CMYA5: variants seen among roughly 807,000 people sequenced by gnomAD.
The protein encoded by CMYA5 is cardiomyopathy-associated protein 5.
In CMYA5, 246 loss-of-function variants were observed where a neutral mutation model predicts 318.9. That is an observed-to-expected ratio of 0.77 (90% CI 0.70 to 0.86). CMYA5 has a LOEUF of 0.86. Among genes scored for constraint, CMYA5 ranks in the 40% least tolerant of loss-of-function variants. The probability of loss-of-function intolerance (pLI) is 0.00; values close to 1 mark genes in which losing one functional copy is unlikely to be tolerated. For synonymous variants in CMYA5, 1,641 were observed against 1,729.5 expected (o/e 0.95, Z 1.27); for missense variants, 4,589 against 4,678.2 (o/e 0.98, Z 0.56).
Position 79,737,655 on chromosome 5 carries a change from T to C in CMYA5, c.8890T>C (p.Ser2964Pro), listed in dbSNP as rs567225728. ...LNIHAPAFIS[S>P]IDQEESEQMQ... ...TATTCATGCTCCGGCCTTTATTTCT[T>C]CAATCGATCAGGAAGAAAGTGAACA... is the stretch of plus-strand genomic sequence containing the variant. The change falls in exon 2 of 13, where the codon TCA (serine) becomes CCA (proline). Residue 2964 changes from serine to proline, a missense_variant. Around this residue, in one of 3 missense-constraint regions of CMYA5, gnomAD observed 2,431 missense variants for 2,495.1 expected, o/e 0.97. Transcript: ENST00000446378. 8.9e-5 allele frequency: 143 copies of C among 1,613,566 alleles called. No individual in the cohort carries two copies. The South Asian group carries it at 1.4e-3, about 16-fold the overall frequency.
rs774622373 is a variant in CMYA5 at position 79,759,111 on chromosome 5, A to G, written c.11260+209A>G. Among the ~76,000 whole-genome samples, 2 of 152,364 alleles carry G rather than the reference A, an allele frequency of 1.3e-5. 1 individual carries two copies. On this transcript the variant is annotated intron_variant, in intron 7 of 12. Coordinates refer to ENST00000446378, the MANE Select transcript of CMYA5 (RefSeq NM_153610.5). ...AGATCAGGGAAAACAAAATGGCATA[A>G]ATATTATAATAGTCAACACAAATAT...
chr5:79,728,569 T>C (rs1012277995), intron 1 of CMYA5, among the ~76,000 whole-genome samples: 5 of 151,960 alleles, frequency 3.3e-5, no homozygotes, highest in Admixed American at 6.6e-5. Flanking sequence ...ACAAGAGTTA[T>C]TATGAAGATG....
rs766542204 is a variant in CMYA5, at chr5:79,734,119, A to G, written c.5354A>G (p.Asp1785Gly). Residue 1785 changes from aspartate (D) to glycine (G), a missense_variant, in exon 2 of 13, where the codon GAT (aspartate) becomes GGT (glycine). Asp to Gly is a moderately conservative substitution (Grantham distance 94, BLOSUM62 -1). This residue lies in a region of CMYA5 where 2,132 missense variants were observed against 2,131.3 expected (regional missense o/e 1.00). Coordinates refer to ENST00000446378, the MANE Select transcript of CMYA5 (RefSeq NM_153610.5). ...TGNLKAQVMGDILDKLSEETG... is the reference protein window; with the variant it reads ...TGNLKAQVMGGILDKLSEETG... ...AATTTGAAGGCACAAGTCATGGGAG[A>G]TATTTTAGATAAGCTAAGTGAAGAA... 1.1e-5 allele frequency: 17 copies of G among 1,613,686 alleles called. No homozygotes were observed. The highest frequency in any genetic ancestry group is 1.3e-5 in the African/African-American group (1 of 74,910).
intron 9 of CMYA5, among the ~76,000 whole-genome samples, chr5:79,777,189 A>G (rs1828953941): frequency 6.6e-6 from 1 of 152,202 alleles, no homozygotes; most frequent in Non-Finnish European, 1.5e-5. Flanking sequence ...TTAAATTTGG[A>G]TAGAGAATAT....
chr5:79,754,895 T>C (rs1828498424), intron 6 of CMYA5, among the ~76,000 whole-genome samples: 1 of 152,220 alleles, frequency 6.6e-6, no homozygotes, highest in Admixed American at 6.5e-5. Flanking sequence ...ATTTGATTAC[T>C]CTAAGTACTT....
chr5:79,734,571 A>G lies in CMYA5; in HGVS notation c.5806A>G (p.Lys1936Glu), dbSNP rs1326554327. ...PGQLKAAVSS[K>E]DHTCEVRKQV... Reference sequence around the variant, plus strand: ...GCAGCTCAAGGCTGCTGTGTCCAGTAAGGACCATACATGTGAAGTGAGAAA... The same window carrying G: ...GCAGCTCAAGGCTGCTGTGTCCAGTGAGGACCATACATGTGAAGTGAGAAA... The change falls in exon 2 of 13, where the codon AAG (lysine) becomes GAG (glutamate). Residue 1936 changes from lysine to glutamate, a missense_variant. Transcript: ENST00000446378. 1 of 1,613,896 alleles carries G rather than the reference A, an allele frequency of 6.2e-7. No individual in the cohort carries two copies. The highest frequency in any genetic ancestry group is 8.5e-7 in the Non-Finnish European group (1 of 1,179,836).
At position 79,792,525 on chromosome 5, in the gene CMYA5, C is replaced by T. The variant is rs181097997; in HGVS notation, c.11790-912C>T. 5.1e-4 allele frequency among the ~76,000 whole-genome samples: 77 copies of T among 152,194 alleles called. 1 individual carries two copies. The highest frequency in any genetic ancestry group is 2.0e-4 in the Admixed American group (3 of 15,288). Reference sequence around the variant, plus strand: ...AAATATCAGACAGCTGGGCCTTGCTCCAGAGTGAGGGCTTGTCAGTAGCCA... The same window carrying T: ...AAATATCAGACAGCTGGGCCTTGCTTCAGAGTGAGGGCTTGTCAGTAGCCA... On this transcript the variant is annotated intron_variant, in intron 11 of 12. Coordinates refer to ENST00000446378, the MANE Select transcript of CMYA5 (RefSeq NM_153610.5).
At chr5:79,712,223 A>G (rs2055431) in intron 1 of CMYA5, among the ~76,000 whole-genome samples, 3,255 of 152,024 alleles carry the variant, frequency 0.021, 112 homozygotes, top group African/African-American at 0.073. Flanking sequence ...TTGTTTGTTT[A>G]TTTATTTTTG....
At chr5:79,758,154 C>T (rs868543876) in intron 6 of CMYA5, among the ~76,000 whole-genome samples, 3 of 150,470 alleles carry the variant, frequency 2.0e-5, no homozygotes, top group Non-Finnish European at 3.0e-5. Context: ...TGCTTGAACC[C>T]GGGAGGCGGA....
chr5:79,709,734 G>C (rs1321897100), intron 1 of CMYA5, among the ~76,000 whole-genome samples: 1 of 151,588 alleles, frequency 6.6e-6, no homozygotes, highest in Non-Finnish European at 1.5e-5. Context: ...AAGGTGGGCC[G>C]ATTACTTGAG....
At position 79,793,594 on chromosome 5, in the gene CMYA5, TGCTC is replaced by T; in HGVS notation, c.11948_11951del (p.Cys3983LeufsTer14). On this transcript the variant is annotated frameshift_variant, in exon 12 of 13. Coordinates refer to ENST00000446378, the MANE Select transcript of CMYA5 (RefSeq NM_153610.5). LOFTEE classifies it high-confidence loss of function. ...AGGGGAGACCTCATGGTACATGCACTGCTCTGAGCCACAGAGGTAAGCGAGCCCT... is the reference window on the plus strand; with the variant it reads ...AGGGGAGACCTCATGGTACATGCACTTGAGCCACAGAGGTAAGCGAGCCCT... 1 of 1,603,140 alleles carries T rather than the reference TGCTC, an allele frequency of 6.2e-7. No individual in the cohort carries two copies. The highest frequency in any genetic ancestry group is 8.5e-7 in the Non-Finnish European group (1 of 1,171,264).
Position 79,729,249 on chromosome 5 carries a change from C to T in CMYA5, c.484C>T (p.Pro162Ser), listed in dbSNP as rs781301181. The change falls in exon 2 of 13, where the codon CCA becomes TCA. Residue 162 changes from proline to serine, a missense_variant. Physicochemically the swap from Pro to Ser is moderately conservative, Grantham distance 74. This residue lies in a region of CMYA5 where 2,132 missense variants were observed against 2,131.3 expected (regional missense o/e 1.00). Transcript: ENST00000446378. ...AAATTCTTTTGAATCCCAAGATGTT[C>T]CAACAAACAAAAAAGGCAGTCCTTT... ...KRNSFESQDV[P>S]TNKKGSPLTS... 3.1e-6 allele frequency: 5 copies of T among 1,610,546 alleles called. No individual in the cohort carries two copies. The South Asian group carries it at 5.5e-5, about 18-fold the overall frequency.
intron 1 of CMYA5, among the ~76,000 whole-genome samples, chr5:79,693,721 C>A (rs575568894): frequency 2.2e-4 from 34 of 152,268 alleles, no homozygotes; most frequent in African/African-American, 7.9e-4. Context: ...TTAATGTATT[C>A]ATTTGGCAGA....
intron 1 of CMYA5, among the ~76,000 whole-genome samples, chr5:79,709,338 T>C (rs964374570): frequency 1.3e-5 from 2 of 152,176 alleles, no homozygotes; most frequent in African/African-American, 4.8e-5. Flanking sequence ...ATCAGAGTTA[T>C]TATAGAGGAA....
At chr5:79,712,552 A>AT (rs1344061219) in intron 1 of CMYA5, among the ~76,000 whole-genome samples, 1 of 152,108 alleles carries the variant, frequency 6.6e-6, no homozygotes, top group Non-Finnish European at 1.5e-5. Flanking sequence ...GAAAAAAAAA[A>AT]GTGTTGCCAA....
chr5:79,748,358 C>G (rs957595027), intron 5 of CMYA5, among the ~76,000 whole-genome samples: 4 of 152,144 alleles, frequency 2.6e-5, no homozygotes, highest in Non-Finnish European at 5.9e-5. Flanking sequence ...ACCAAAGATC[C>G]TTTGGTCCCA....
Position 79,731,499 on chromosome 5 carries a change from G to A in CMYA5, c.2734G>A (p.Glu912Lys). ...EFSVPPYATP[E>K]AQEEEIVHRS... ...TTCAGTACCACCATATGCAACACCGGAGGCACAGGAGGAAGAAATTGTCCA... is the reference window on the plus strand; with the variant it reads ...TTCAGTACCACCATATGCAACACCGAAGGCACAGGAGGAAGAAATTGTCCA... The change falls in exon 2 of 13, where the codon GAG (glutamate) becomes AAG (lysine). Residue 912 changes from glutamate to lysine, a missense_variant. Transcript: ENST00000446378. 1 of 1,604,164 alleles carries A rather than the reference G, an allele frequency of 6.2e-7. No individual in the cohort carries two copies.
Position 79,737,118 on chromosome 5 carries a change from GGATT to G in CMYA5, c.8354_8357del (p.Gly2785ValfsTer10). On this transcript the variant is annotated frameshift_variant, in exon 2 of 13. Coordinates refer to ENST00000446378, the MANE Select transcript of CMYA5 (RefSeq NM_153610.5). LOFTEE classifies it high-confidence loss of function. ...TATCACAAAAGAAAGTATGAAAGAA[GGATT>G]TCCATCTAAAGAATCCGAAAGGACT... is the stretch of plus-strand genomic sequence containing the variant. 6.2e-7 allele frequency: 1 copy of G among 1,609,990 alleles called. No individual in the cohort carries two copies. Among genetic ancestry groups the G allele is most frequent in the Non-Finnish European group, 8.5e-7 (1 of 1,176,598 alleles).
Position 79,730,837 on chromosome 5 carries a change from C to T in CMYA5, c.2072C>T (p.Thr691Ile). The T allele has an allele frequency of 6.2e-7, 1 of 1,613,932 alleles. No homozygotes were observed. The highest frequency in any genetic ancestry group is 8.5e-7 in the Non-Finnish European group (1 of 1,179,872). Residue 691 changes from threonine to isoleucine, a missense_variant, in exon 2 of 13, where the codon ACA becomes ATA. Thr to Ile is a moderately conservative substitution (Grantham distance 89). Around this residue, in one of 3 missense-constraint regions of CMYA5, gnomAD observed 2,132 missense variants for 2,131.3 expected, o/e 1.00. Coordinates refer to ENST00000446378, the MANE Select transcript of CMYA5 (RefSeq NM_153610.5). ...GAGGCCTCAGAAAGTGGGTGTTACA[C>T]ACCAGACTCCACATCTGCTTCTGAA... The part of the protein sequence containing the change: ...GDEASESGCY[T>I]PDSTSASEYS...
Sources: allele counts gnomAD v4.1 joint callset (sites outside exome capture counted in the v4.1 genomes callset), GRCh38; gene constraint gnomAD v4.1.1; regional missense constraint gnomAD v4.1.1; transcripts MANE v1.5; gene names NCBI Gene and HGNC (gene_info 2026-07-23, HGNC 2026-07-21).